Variants in KCNMA1 observed in about 807,000 individuals in gnomAD.
KCNMA1 encodes Calcium-activated potassium channel subunit alpha-1.
In KCNMA1, 29 loss-of-function variants were observed where a neutral mutation model predicts 140.0. The observed-to-expected ratio is 0.21, with a 90% CI of 0.15 to 0.28. KCNMA1 has a LOEUF of 0.28. KCNMA1 is among the 10% of genes least tolerant of loss of function. KCNMA1 has a pLI of 1.00. For missense variants in KCNMA1, 880 were observed against 1,602.2 expected (o/e 0.55, Z 7.70); for synonymous variants, 612 against 611.9 (o/e 1.00, Z 0.00).
At chr10:77,515,322 A>G (rs1180845521) in intron 1 of KCNMA1, among the ~76,000 whole-genome samples, 10 of 152,154 alleles carry the variant, frequency 6.6e-5, no homozygotes, top group African/African-American at 2.4e-5. Context: ...AAAAACAGCT[A>G]GCAATCCAGA....
At chr10:77,186,269 G>T (rs548216) in intron 3 of KCNMA1, among the ~76,000 whole-genome samples, 1 of 151,562 alleles carries the variant, frequency 6.6e-6, no homozygotes, top group African/African-American at 2.4e-5. Flanking sequence ...CCCAAATCAC[G>T]TGGAAAAATC....
chr10:76,944,903 A>G lies in KCNMA1; in HGVS notation c.2772T>C (p.Val924=), dbSNP rs1428749605. The part of the protein sequence containing the change: ...AVNINLCDMC[V]ILSANQNNID... ...TATTATTCTGATTGGCTGACAGGAT[A>G]ACGCACATGTCACAGAGGTTGATGT... Residue 924 remains valine, a synonymous_variant, in exon 23 of 28, where the codon GTT becomes GTC. Transcript: ENST00000286628. 1 of 1,614,120 alleles carries G rather than the reference A, an allele frequency of 6.2e-7. No homozygotes were observed. The highest frequency in any genetic ancestry group is 1.1e-5 in the South Asian group (1 of 91,068).
Position 76,946,920 on chromosome 10 carries a change from G to A in KCNMA1, c.2710-1955C>T, listed in dbSNP as rs563006311. ...ACCAATAAACTCTGTGAAGACATAG[G>A]TGAAGGCCCATTTTGTGAAAATCTA... is the stretch of plus-strand genomic sequence containing the variant. On this transcript the variant is annotated intron_variant, in intron 22 of 27. Transcript: ENST00000286628. 4.2e-4 allele frequency among the ~76,000 whole-genome samples: 64 copies of A among 152,322 alleles called. No homozygotes were observed. The South Asian group carries it at 7.2e-3, about 17-fold the overall frequency.
At position 77,110,164 on chromosome 10, in the gene KCNMA1, T is replaced by A; in HGVS notation, c.1131+9A>T. 2.5e-6 allele frequency: 4 copies of A among 1,612,004 alleles called. No homozygotes were observed. Among genetic ancestry groups the A allele is most frequent in the Non-Finnish European group, 3.4e-6 (4 of 1,178,112 alleles). On this transcript the variant is annotated intron_variant, in intron 8 of 27. Coordinates refer to ENST00000286628, the MANE Select transcript of KCNMA1 (RefSeq NM_001161352.2). Reference sequence around the variant, plus strand: ...CAAAATCAACATCATAATAAAGATTTTTTTTTACCAGTCCCCCGAGGATGA... The same window carrying A: ...CAAAATCAACATCATAATAAAGATTATTTTTTACCAGTCCCCCGAGGATGA...
intron 1 of KCNMA1, among the ~76,000 whole-genome samples, chr10:77,602,030 T>C (rs1201397344): frequency 3.9e-5 from 6 of 152,206 alleles, no homozygotes; most frequent in African/African-American, 1.2e-4. Flanking sequence ...GCACTGAGAA[T>C]GAGACTGTCC....
Position 76,949,324 on chromosome 10 carries a change from C to T in KCNMA1, c.2527G>A (p.Val843Met), listed in dbSNP as rs751748880. The change falls in exon 22 of 28, where the codon GTG becomes ATG. Residue 843 changes from valine to methionine, a missense_variant. By Grantham distance (21) the Val-to-Met change is conservative. Around this residue, in one of 13 missense-constraint regions of KCNMA1, gnomAD observed 82 missense variants for 170.1 expected, o/e 0.48. Transcript: ENST00000286628. ...AAMTVLSGHV[V>M]VCIFGDVSSA... ...CTGACGTCGCCAAAGATGCAGACCA[C>T]GACATGGCCACTCAGGACGGTCATG... 3.1e-6 allele frequency: 5 copies of T among 1,614,116 alleles called. No individual in the cohort carries two copies. The highest frequency in any genetic ancestry group is 4.2e-6 in the Non-Finnish European group (5 of 1,180,006).
At chr10:77,047,921 C>T (rs1242942849) in intron 14 of KCNMA1, among the ~76,000 whole-genome samples, 1 of 152,040 alleles carries the variant, frequency 6.6e-6, no homozygotes, top group Non-Finnish European at 1.5e-5. Flanking sequence ...GCCCTTCTTA[C>T]CCCATCTGAG....
At chr10:77,403,272 A>C (rs1268652159) in intron 2 of KCNMA1, among the ~76,000 whole-genome samples, 1 of 152,158 alleles carries the variant, frequency 6.6e-6, no homozygotes, top group Non-Finnish European at 1.5e-5. Flanking sequence ...ATCTCATCAG[A>C]AAAGGGCACA....
intron 1 of KCNMA1, among the ~76,000 whole-genome samples, chr10:77,535,904 T>C (rs996901928): frequency 1.3e-5 from 2 of 152,130 alleles, no homozygotes; most frequent in Admixed American, 6.5e-5. Context: ...GGGGAGGGGA[T>C]ATTAAGAGGG....
chr10:77,295,908 T>C (rs531083802), intron 2 of KCNMA1, among the ~76,000 whole-genome samples: 80 of 148,230 alleles, frequency 5.4e-4, no homozygotes, highest in African/African-American at 2.0e-3. Flanking sequence ...AAATTAACTT[T>C]TTTTTATTTT....
In KCNMA1 at chr10:77,144,159, G is replaced by A. The variant is rs115856427; in HGVS notation, c.809-23111C>T. 8.1e-3 allele frequency among the ~76,000 whole-genome samples: 1,229 copies of A among 152,248 alleles called. 15 individuals carry two copies. The highest frequency in any genetic ancestry group is 0.028 in the African/African-American group (1,174 of 41,540). On this transcript the variant is annotated intron_variant, in intron 5 of 27. Transcript: ENST00000286628. ...CTTTATTCAAAATAAGCCAAAGTTGGAAACAACCTAATGGCCATCAACAGG... is the reference window on the plus strand; with the variant it reads ...CTTTATTCAAAATAAGCCAAAGTTGAAAACAACCTAATGGCCATCAACAGG...
chr10:77,454,583 G>A (rs534969065), intron 1 of KCNMA1, among the ~76,000 whole-genome samples: 1 of 152,178 alleles, frequency 6.6e-6, no homozygotes, highest in African/African-American at 2.4e-5. Flanking sequence ...CCCTAAGTTA[G>A]ATGACTCCTC....
chr10:77,201,948 T>A (rs1024639897), intron 3 of KCNMA1, among the ~76,000 whole-genome samples: 1 of 152,222 alleles, frequency 6.6e-6, no homozygotes, highest in Non-Finnish European at 1.5e-5. Flanking sequence ...TATAGCACTA[T>A]CATGGGGAAA....
chr10:77,197,814 A>C lies in KCNMA1; in HGVS notation c.603-12898T>G, dbSNP rs566004410. Among the ~76,000 whole-genome samples, 44 of 152,310 alleles carry C rather than the reference A, an allele frequency of 2.9e-4. 2 individuals carry two copies. In the South Asian group the frequency reaches 9.1e-3, roughly 32 times the overall value. On this transcript the variant is annotated intron_variant, in intron 3 of 27. Coordinates refer to ENST00000286628, the MANE Select transcript of KCNMA1 (RefSeq NM_001161352.2). Reference sequence around the variant, plus strand: ...AAAGGACCTACATCAAAGAGTCTGCAGTGCGGCTCCTGGGTAAGAGTCGAT... The same window carrying C: ...AAAGGACCTACATCAAAGAGTCTGCCGTGCGGCTCCTGGGTAAGAGTCGAT...
intron 1 of KCNMA1, among the ~76,000 whole-genome samples, chr10:77,501,762 A>G (rs1006105016): frequency 1.3e-5 from 2 of 152,164 alleles, no homozygotes; most frequent in African/African-American, 4.8e-5. Flanking sequence ...ACTGCTACCC[A>G]TGGTGGGGTG....
chr10:76,950,593 C>T (rs992888642), intron 21 of KCNMA1, among the ~76,000 whole-genome samples: 1 of 152,216 alleles, frequency 6.6e-6, no homozygotes, highest in Admixed American at 6.5e-5. Context: ...TGGATGGCCC[C>T]ATGTGGCTTA....
At chr10:77,094,298 G>A (rs1405411017) in intron 9 of KCNMA1, among the ~76,000 whole-genome samples, 1 of 152,154 alleles carries the variant, frequency 6.6e-6, no homozygotes, top group Non-Finnish European at 1.5e-5. Flanking sequence ...GACTTGCCCA[G>A]GATGCAATCT....
intron 14 of KCNMA1, among the ~76,000 whole-genome samples, chr10:77,067,258 G>C (rs550174529): frequency 1.3e-5 from 2 of 152,304 alleles, no homozygotes; most frequent in Non-Finnish European, 2.9e-5. Flanking sequence ...GGAGGAGTAA[G>C]GGAGAATTTC....
At chr10:76,877,708 C>CA (rs2151423051), downstream of KCNMA1, 3 of 1,546,554 alleles carry the variant, frequency 1.9e-6, no homozygotes, top group East Asian at 7.4e-5. Context: ...GTTTGTCAGG[C>CA]TTTAAAAAAA....
Sources: allele counts gnomAD v4.1 joint callset (sites outside exome capture counted in the v4.1 genomes callset), GRCh38; gene constraint gnomAD v4.1.1; regional missense constraint gnomAD v4.1.1; transcripts MANE v1.5; gene names NCBI Gene and HGNC (gene_info 2026-07-23, HGNC 2026-07-21).